MACROH2A1: variants seen among roughly 807,000 people sequenced by gnomAD.
The protein encoded by MACROH2A1 is macroH2A.1 histone.
MACROH2A1 carries 2 observed loss-of-function variants against 31.6 expected under a neutral mutation model. The observed-to-expected ratio is 0.06, with a 90% CI of 0.03 to 0.20. MACROH2A1 has a LOEUF of 0.20. Among genes scored for constraint, MACROH2A1 ranks in the 10% least tolerant of loss-of-function variants. The probability of loss-of-function intolerance (pLI) is 1.00; values close to 1 mark genes in which losing one functional copy is unlikely to be tolerated. For missense variants in MACROH2A1, 230 were observed against 474.0 expected, an observed-to-expected ratio of 0.49 and a Z score of 4.78; for synonymous variants, 169 against 189.6, an observed-to-expected ratio of 0.89 and a Z score of 0.89.
chr5:135,352,918 G>C, intron 6 of MACROH2A1, 28 bp downstream of exon 6: 1 of 1,123,264 alleles, frequency 8.9e-7, no homozygotes, highest in Non-Finnish European at 1.4e-6. Context: ...TCTGACAGCT[G>C]GTGGTGCCGA....
chr5:135,338,318 T>A (rs1450687956), intron 8 of MACROH2A1, among the ~76,000 whole-genome samples: 2 of 152,180 alleles, frequency 1.3e-5, no homozygotes, highest in African/African-American at 4.8e-5. Context: ...CTTCGGTGCC[T>A]TGTTTCCCCA....
intron 1 of MACROH2A1, among the ~76,000 whole-genome samples, chr5:135,396,194 T>C (rs970793201): frequency 6.6e-6 from 1 of 152,192 alleles, no homozygotes; most frequent in Non-Finnish European, 1.5e-5. Context: ...TTAAAGGTTG[T>C]GCCAAACTCT....
Position 135,335,065 on chromosome 5 carries a change from A to T in MACROH2A1, c.1030T>A (p.Ser344Thr), listed in dbSNP as rs768054988. The stretch of plus-strand genomic sequence containing the variant: ...ACGAAGTACACCGTTTTGATGGAAG[A>T]GGACATTGTAGACACGAAGTAACTG... Reference protein sequence around the residue: ...ISSYFVSTMSSSIKTVYFVLF... With the variant: ...ISSYFVSTMSTSIKTVYFVLF... The change falls in exon 9 of 9, where the codon TCT becomes ACT. Residue 344 changes from serine to threonine, a missense_variant. Physicochemically the swap from Ser to Thr is moderately conservative, Grantham distance 58. Around this residue, in one of 2 missense-constraint regions of MACROH2A1, gnomAD observed 183 missense variants for 319.3 expected, o/e 0.57. Coordinates refer to ENST00000511689, the MANE Select transcript of MACROH2A1 (RefSeq NM_138610.3). 2.5e-6 allele frequency: 4 copies of T among 1,613,488 alleles called. 1 individual carries two copies. In the South Asian group the frequency reaches 4.4e-5, roughly 18 times the overall value.
intron 8 of MACROH2A1, among the ~76,000 whole-genome samples, chr5:135,341,715 C>T (rs1319412709): frequency 6.6e-6 from 1 of 152,250 alleles, no homozygotes. Flanking sequence ...GAGGCAAAAT[C>T]ACGAGGCCTG....
At chr5:135,336,073 C>T (rs896699843) in intron 8 of MACROH2A1, among the ~76,000 whole-genome samples, 1 of 152,232 alleles carries the variant, frequency 6.6e-6, no homozygotes, top group African/African-American at 2.4e-5. Context: ...CACAGATCCG[C>T]CTGAGCCTGT....
chr5:135,367,962 G>A (rs938471004), intron 4 of MACROH2A1, among the ~76,000 whole-genome samples: 6 of 152,306 alleles, frequency 3.9e-5, no homozygotes, highest in East Asian at 1.9e-4. Context: ...GAGCAGTGGC[G>A]CATTCTGTGA....
At chr5:135,386,078 C>A (rs1766365463) in intron 2 of MACROH2A1, among the ~76,000 whole-genome samples, 1 of 152,196 alleles carries the variant, frequency 6.6e-6, no homozygotes, top group Non-Finnish European at 1.5e-5. Context: ...AAGTGGGTCA[C>A]CCAGAATGTC....
intron 4 of MACROH2A1, among the ~76,000 whole-genome samples, chr5:135,368,932 A>C (rs1160213803): frequency 6.6e-6 from 1 of 152,202 alleles, no homozygotes; most frequent in Non-Finnish European, 1.5e-5. Context: ...TCCTTGACAG[A>C]GGCAACCATT....
At chr5:135,359,336 A>G (rs1762554345) in intron 5 of MACROH2A1, 2 of 985,142 alleles carry the variant, frequency 2.0e-6, no homozygotes, top group Admixed American at 1.2e-4. Flanking sequence ...GTGAAAGTAG[A>G]CCCAGGCAGT....
At chr5:135,383,699 T>G (rs1410558726) in intron 2 of MACROH2A1, among the ~76,000 whole-genome samples, 1 of 118,310 alleles carries the variant, frequency 8.5e-6, no homozygotes, top group Non-Finnish European at 1.7e-5. Flanking sequence ...TGATGTGGTG[T>G]GGTGTGTGTG....
intron 5 of MACROH2A1, chr5:135,359,920 G>A: frequency 4.1e-6 from 4 of 984,552 alleles, no homozygotes; most frequent in Non-Finnish European, 4.8e-6. Flanking sequence ...TGGCGTCCTG[G>A]CAAAGTTGCA....
chr5:135,377,769 C>T (rs771546162), intron 2 of MACROH2A1, among the ~76,000 whole-genome samples: 10 of 152,332 alleles, frequency 6.6e-5, no homozygotes, highest in African/African-American at 2.4e-4. Context: ...CTTCTGCTAT[C>T]GGCTGCCCCA....
intron 1 of MACROH2A1, among the ~76,000 whole-genome samples, chr5:135,394,905 A>G (rs928972610): frequency 3.9e-5 from 6 of 152,216 alleles, no homozygotes; most frequent in African/African-American, 1.4e-4. Flanking sequence ...AGGAGAGGGC[A>G]GCATTTCCAA....
intron 5 of MACROH2A1, chr5:135,358,031 C>T: frequency 1.3e-5 from 13 of 982,672 alleles, no homozygotes; most frequent in Non-Finnish European, 1.6e-5. Context: ...CATATAGTCA[C>T]CATTCTAAAG....
rs761988374 is a variant in MACROH2A1, at chr5:135,337,367, C to CCCATG, written c.954-2231_954-2227dup. 1.5e-3 allele frequency among the ~76,000 whole-genome samples: 234 copies of CCCATG among 152,328 alleles called. 1 individual carries two copies. The highest frequency in any genetic ancestry group is 0.015 in the South Asian group (74 of 4,828). ...CAGACACAGTGTAGCCTGGCCCATG[C>CCCATG]CCATGCCATGCCATGCTGACTGGGA... On this transcript the variant is annotated intron_variant, in intron 8 of 8. Coordinates refer to ENST00000511689, the MANE Select transcript of MACROH2A1 (RefSeq NM_138610.3).
intron 1 of MACROH2A1, among the ~76,000 whole-genome samples, chr5:135,392,177 A>T (rs1767338531): frequency 6.6e-6 from 1 of 152,168 alleles, no homozygotes; most frequent in South Asian, 2.1e-4. Context: ...GGACATGACC[A>T]CAGCCTGGAA....
At chr5:135,397,063 CAAAT>C (rs151264418) in intron 1 of MACROH2A1, among the ~76,000 whole-genome samples, 4,740 of 152,200 alleles carry the variant, frequency 0.031, 257 homozygotes, top group African/African-American at 0.11. Flanking sequence ...TGGGGACACT[CAAAT>C]AAAACCAGAG....
At chr5:135,346,356 T>C (rs1581161885) in intron 6 of MACROH2A1, 1 of 365,122 alleles carries the variant, frequency 2.7e-6, no homozygotes, top group East Asian at 5.9e-5. Context: ...GCTTGTTTTT[T>C]GCAAACATGC....
At chr5:135,391,118 C>A (rs1767175973) in intron 1 of MACROH2A1, among the ~76,000 whole-genome samples, 1 of 152,196 alleles carries the variant, frequency 6.6e-6, no homozygotes, top group Non-Finnish European at 1.5e-5. Context: ...CAAAAAGGTG[C>A]CTGTGCTCAC....
Sources: gnomAD v4.1 joint callset for allele counts (sites outside exome capture counted in the v4.1 genomes callset) on GRCh38, gnomAD v4.1.1 for gene constraint, gnomAD v4.1.1 regional missense constraint, MANE v1.5 for transcripts, NCBI Gene and HGNC (gene_info 2026-07-23, HGNC 2026-07-21) for gene names.